Variants in ATXN1 observed in about 807,000 individuals in gnomAD.
The protein encoded by ATXN1 is ataxin-1.
In ATXN1, 8 loss-of-function variants were observed where a neutral mutation model predicts 56.4. The ratio of observed to expected loss-of-function variants is 0.14; its 90% CI spans 0.08 to 0.26. ATXN1 has a LOEUF of 0.26. Ranked by LOEUF, ATXN1 falls within the 10% of genes least tolerant of loss-of-function variation. The pLI is 1.00. For synonymous variants in ATXN1, 514 were observed against 494.6 expected, an observed-to-expected ratio of 1.04 and a Z score of -0.52; for missense variants, 987 against 1,106.5, an observed-to-expected ratio of 0.89 and a Z score of 1.53.
intron 4 of ATXN1, among the ~76,000 whole-genome samples, chr6:16,556,934 T>G (rs1762024447): frequency 6.6e-6 from 1 of 152,154 alleles, no homozygotes; most frequent in African/African-American, 2.4e-5. Context: ...CAATAACCTT[T>G]CTAAAGGACA....
chr6:16,403,916 A>C (rs538104099), intron 6 of ATXN1, among the ~76,000 whole-genome samples: 20 of 152,284 alleles, frequency 1.3e-4, no homozygotes, highest in African/African-American at 4.1e-4. Flanking sequence ...TCTTTGGGAA[A>C]AAAAAAAATC....
intron 3 of ATXN1, among the ~76,000 whole-genome samples, chr6:16,626,588 G>C (rs10949370): frequency 6.6e-6 from 1 of 152,090 alleles, no homozygotes; most frequent in Non-Finnish European, 1.5e-5. Flanking sequence ...GAGCCACTGC[G>C]CCCAGCTGGT....
chr6:16,701,756 A>G (rs185538522), intron 2 of ATXN1, among the ~76,000 whole-genome samples: 1 of 152,330 alleles, frequency 6.6e-6, no homozygotes, highest in African/African-American at 2.4e-5. Context: ...AGAATAAAAT[A>G]CCTAGGAATC....
chr6:16,492,387 C>T (rs991101811), intron 5 of ATXN1, among the ~76,000 whole-genome samples: 9 of 151,680 alleles, frequency 5.9e-5, no homozygotes, highest in African/African-American at 2.2e-4. Context: ...AACTAACCTG[C>T]ACATTGTGCA....
chr6:16,328,316 G>T lies in ATXN1; in HGVS notation c.-6C>A, dbSNP rs764575070. The T allele has an allele frequency of 1.3e-6, 2 of 1,499,010 alleles. No individual in the cohort carries two copies. The highest frequency in any genetic ancestry group is 8.9e-7 in the Non-Finnish European group (1 of 1,129,674). The allele number at this position is 1,499,010 out of a possible 1,614,324, so 92.9% of individuals were successfully genotyped here. ...CGCTCTTGGTTGGATTTCATTTTTC[G>T]CCGTCCCCCCTCCACGGTGACTGTT... is the stretch of plus-strand genomic sequence containing the variant. On this transcript the variant is annotated 5_prime_UTR_variant, in exon 7 of 8. Coordinates refer to ENST00000436367, the MANE Select transcript of ATXN1 (RefSeq NM_001128164.2). The surrounding 1 kb of genome is among the most constrained non-coding windows in gnomAD (Gnocchi z 6.2).
At chr6:16,636,759 A>C (rs1763604337) in intron 3 of ATXN1, among the ~76,000 whole-genome samples, 2 of 152,236 alleles carry the variant, frequency 1.3e-5, no homozygotes, top group South Asian at 2.1e-4. Context: ...GAAATGTCAT[A>C]GCTTGAATGC....
chr6:16,644,556 A>G (rs1211859806), intron 3 of ATXN1, among the ~76,000 whole-genome samples: 1 of 122,336 alleles, frequency 8.2e-6, no homozygotes, highest in Non-Finnish European at 1.7e-5. Context: ...TTTATGGTAA[A>G]TTTTATGGTG....
intron 3 of ATXN1, among the ~76,000 whole-genome samples, chr6:16,636,297 C>A (rs1019840499): frequency 1.3e-5 from 2 of 152,270 alleles, no homozygotes; most frequent in Middle Eastern, 3.4e-3. Context: ...AGCAGTGCAG[C>A]CGGAACTGAA....
At chr6:16,439,071 A>T (rs1759449984) in intron 6 of ATXN1, among the ~76,000 whole-genome samples, 1 of 152,060 alleles carries the variant, frequency 6.6e-6, no homozygotes, top group East Asian at 1.9e-4. Context: ...ATCTAAATTT[A>T]AACTGCACAG....
At chr6:16,710,574 C>G (rs964685801) in intron 2 of ATXN1, among the ~76,000 whole-genome samples, 1 of 152,074 alleles carries the variant, frequency 6.6e-6, no homozygotes, top group African/African-American at 2.4e-5. Context: ...AACATTTATT[C>G]ATTATTTTTG....
rs377559897 is a variant in ATXN1, at chr6:16,306,563, G to A, written c.2214C>T (p.Leu738=). 6.2e-7 allele frequency: 1 copy of A among 1,614,218 alleles called. No individual in the cohort carries two copies. Among genetic ancestry groups the A allele is most frequent in the African/African-American group, 1.3e-5 (1 of 75,052 alleles). The change falls in exon 8 of 8, where the codon CTC becomes CTT. Residue 738 remains leucine (L), a synonymous_variant. Transcript: ENST00000436367. This position sits in a 1 kb window ranked among gnomAD's most constrained non-coding sequence, Gnocchi z 5.2. The part of the protein sequence containing the change: ...NGINQGSAQM[L]SENGELKFPE... The stretch of plus-strand genomic sequence containing the variant: ...GAAACTTCAGTTCGCCATTCTCAGA[G>A]AGCATCTGGGCACTCCCCTGGTTGA...
chr6:16,351,926 TGAG>T (rs1761578416), intron 6 of ATXN1, among the ~76,000 whole-genome samples: 1 of 152,208 alleles, frequency 6.6e-6, no homozygotes, highest in Non-Finnish European at 1.5e-5. Flanking sequence ...TCTTTCAGTA[TGAG>T]ATTATTTCTT....
In ATXN1 at chr6:16,378,240, C is replaced by T. The variant is rs532870488; in HGVS notation, c.-160-49770G>A. Among the ~76,000 whole-genome samples, 11 of 152,366 alleles carry T rather than the reference C, an allele frequency of 7.2e-5. No individual in the cohort carries two copies. In the East Asian group the frequency reaches 1.3e-3, roughly 19 times the overall value. On this transcript the variant is annotated intron_variant, in intron 6 of 7. Transcript: ENST00000436367. ...AACATTAACTGATTGTACCACTCCC[C>T]TGGTCTGTCCTAACTCAGATACTGC...
At chr6:16,580,395 A>C (rs536125842) in intron 4 of ATXN1, among the ~76,000 whole-genome samples, 12 of 152,350 alleles carry the variant, frequency 7.9e-5, no homozygotes, top group African/African-American at 2.9e-4. Context: ...AAGCTGTATG[A>C]AAGTTGGATT....
In ATXN1 at chr6:16,410,049, T is replaced by A. The variant is rs533843493; in HGVS notation, c.-161+75923A>T. On this transcript the variant is annotated intron_variant, in intron 6 of 7. Transcript: ENST00000436367. This position sits in a 1 kb window ranked among gnomAD's most constrained non-coding sequence, Gnocchi z 4.6. ...AAGATGAGCATCAAATCACCAGACGTGCATGGAGAGCATGAGCTGAACGAC... is the reference window on the plus strand; with the variant it reads ...AAGATGAGCATCAAATCACCAGACGAGCATGGAGAGCATGAGCTGAACGAC... Among the ~76,000 whole-genome samples, 34 of 152,280 alleles carry A rather than the reference T, an allele frequency of 2.2e-4. No individual in the cohort carries two copies. The highest frequency in any genetic ancestry group is 4.3e-4 in the Non-Finnish European group (29 of 68,014).
Position 16,441,023 on chromosome 6 carries a change from G to A in ATXN1, c.-161+44949C>T, listed in dbSNP as rs375014167. Among the ~76,000 whole-genome samples, 9 of 152,222 alleles carry A rather than the reference G, an allele frequency of 5.9e-5. No homozygotes were observed. In the South Asian group the frequency reaches 1.5e-3, roughly 25 times the overall value. The stretch of plus-strand genomic sequence containing the variant: ...AAGCTTCCAAAGGTCCTTACGGCAC[G>A]GTCAGCAGGGTGGTGAGCTATTTTG... On this transcript the variant is annotated intron_variant, in intron 6 of 7. Coordinates refer to ENST00000436367, the MANE Select transcript of ATXN1 (RefSeq NM_001128164.2).
At chr6:16,614,672 C>T (rs1763171167) in intron 3 of ATXN1, among the ~76,000 whole-genome samples, 1 of 151,682 alleles carries the variant, frequency 6.6e-6, no homozygotes, top group South Asian at 2.1e-4. Context: ...CCTGTAACCC[C>T]AGCACTTTGG....
chr6:16,649,493 A>T (rs1050761296), intron 3 of ATXN1, among the ~76,000 whole-genome samples: 3 of 152,150 alleles, frequency 2.0e-5, no homozygotes, highest in East Asian at 1.9e-4. Context: ...AAAACAGTTT[A>T]AAAAAATGGT....
chr6:16,745,933 C>CGTGT (rs60773814), intron 2 of ATXN1, among the ~76,000 whole-genome samples: 21,712 of 146,982 alleles, frequency 0.15, 1,630 homozygotes, highest in Non-Finnish European at 0.18. Flanking sequence ...CTATGCCTTC[C>CGTGT]GTGTGTGTGT....
Sources: gnomAD v4.1 joint callset for allele counts (sites outside exome capture counted in the v4.1 genomes callset) on GRCh38, gnomAD v4.1.1 for gene constraint, Gnocchi (gnomAD v3.1) non-coding constraint, MANE v1.5 for transcripts, NCBI Gene and HGNC (gene_info 2026-07-23, HGNC 2026-07-21) for gene names.